The following C12orf54 variants were observed in gnomAD, a reference collection of about 807,000 sequenced individuals.
C12orf54 encodes chromosome 12 open reading frame 54, also known as uncharacterized protein C12orf54.
In C12orf54, 24 loss-of-function variants were observed where a neutral mutation model predicts 26.4. The observed-to-expected ratio is 0.91, with a 90% CI of 0.66 to 1.28. The LOEUF (loss-of-function observed/expected upper bound fraction) is 1.28, where lower values mean the gene tolerates loss of function less well. Ranked by LOEUF, C12orf54 falls within the 50% of genes most tolerant of loss-of-function variation. The pLI, the probability that C12orf54 is intolerant of heterozygous loss-of-function variation, is 0.00. For missense variants in C12orf54, 154 were observed against 150.9 expected (o/e 1.02, Z -0.11); for synonymous variants, 54 against 47.0 (o/e 1.15, Z -0.61).
intron 6 of C12orf54, among the ~76,000 whole-genome samples, chr12:48,492,587 A>G (rs1937814100): frequency 6.6e-6 from 1 of 152,186 alleles, no homozygotes; most frequent in Admixed American, 6.5e-5. Flanking sequence ...GGGTGAGATG[A>G]GGAGAATTCA....
chr12:48,437,792 TATC>T, the C12orf54 span, among the ~76,000 whole-genome samples: 19 of 150,920 alleles, frequency 1.3e-4, no homozygotes, highest in Admixed American at 2.6e-4. Flanking sequence ...CCACAGCCAA[TATC>T]ATACTGAATG....
chr12:48,457,858 A>G, the C12orf54 span, among the ~76,000 whole-genome samples: 3 of 152,140 alleles, frequency 2.0e-5, no homozygotes, highest in Admixed American at 6.5e-5. Flanking sequence ...AGAGGACGGG[A>G]TGACTGGGGA....
intron 8 of C12orf54, 139 bp downstream of exon 8, chr12:48,495,118 A>C (rs1177732224): frequency 3.3e-6 from 2 of 611,238 alleles, no homozygotes; most frequent in Non-Finnish European, 5.5e-6. Context: ...AAGGGGCAAT[A>C]GGGTGAGAGG....
the C12orf54 span, among the ~76,000 whole-genome samples, chr12:48,460,352 A>C: frequency 1.1e-4 from 16 of 152,142 alleles, no homozygotes; most frequent in Non-Finnish European, 1.8e-4. Flanking sequence ...CATTTAGTAA[A>C]ATGAAACTTT....
At chr12:48,470,199 G>A in the C12orf54 span, among the ~76,000 whole-genome samples, 1 of 152,084 alleles carries the variant, frequency 6.6e-6, no homozygotes, top group Non-Finnish European at 1.5e-5. Flanking sequence ...ATTTTCCTTT[G>A]GGTAGATACC....
intron 4 of C12orf54, 28 bp downstream of exon 4, chr12:48,486,754 G>C (rs118171974): frequency 1.4e-5 from 23 of 1,603,928 alleles, no homozygotes; most frequent in Non-Finnish European, 1.8e-5. Flanking sequence ...ATTTTTGACA[G>C]CATGGCATGA....
chr12:48,469,632 G>A, the C12orf54 span, among the ~76,000 whole-genome samples: 1 of 152,188 alleles, frequency 6.6e-6, no homozygotes, highest in Non-Finnish European at 1.5e-5. Flanking sequence ...AGTAAAGACA[G>A]GCATAGGAAA....
chr12:48,496,054 G>T (rs1047297508), intron 8 of C12orf54, 127 bp from the exon 9 acceptor site: 1 of 152,208 alleles, frequency 6.6e-6, no homozygotes, highest in African/African-American at 2.4e-5. Context: ...TTGGGATGGG[G>T]TCATGAGGGT....
chr12:48,463,165 G>T, the C12orf54 span, among the ~76,000 whole-genome samples: 1 of 151,810 alleles, frequency 6.6e-6, no homozygotes, highest in Non-Finnish European at 1.5e-5. Flanking sequence ...TAAATGCTTA[G>T]GTATAAATCT....
chr12:48,421,388 A>G, the C12orf54 span, among the ~76,000 whole-genome samples: 2 of 152,042 alleles, frequency 1.3e-5, no homozygotes, highest in Non-Finnish European at 2.9e-5. Flanking sequence ...GTGTTAAACC[A>G]TGAGAAACTG....
the C12orf54 span, among the ~76,000 whole-genome samples, chr12:48,435,544 C>A: frequency 2.7e-4 from 41 of 152,212 alleles, no homozygotes; most frequent in Non-Finnish European, 5.9e-5. Flanking sequence ...GGAAGCCCAT[C>A]AGACTAACAG....
At chr12:48,436,268 A>T in the C12orf54 span, among the ~76,000 whole-genome samples, 273 of 152,350 alleles carry the variant, frequency 1.8e-3, no homozygotes, top group African/African-American at 6.0e-3. Context: ...GCAAGTCCTG[A>T]GTGACCTACA....
the C12orf54 span, among the ~76,000 whole-genome samples, chr12:48,437,284 G>A: frequency 4.1e-4 from 62 of 151,992 alleles, no homozygotes; most frequent in African/African-American, 1.2e-3. Context: ...AAAAAAGTCC[G>A]GGACCAGATG....
At chr12:48,427,027 A>T in the C12orf54 span, among the ~76,000 whole-genome samples, 1 of 152,134 alleles carries the variant, frequency 6.6e-6, no homozygotes, top group Admixed American at 6.6e-5. Context: ...ACCTACAAAC[A>T]GCGATAGTTT....
the C12orf54 span, among the ~76,000 whole-genome samples, chr12:48,430,842 G>T: frequency 6.6e-6 from 1 of 152,190 alleles, no homozygotes; most frequent in East Asian, 1.9e-4. Flanking sequence ...AAAGATACTT[G>T]CACATGCATG....
chr12:48,417,228 G>A, the C12orf54 span: 2 of 152,126 alleles, frequency 1.3e-5, no homozygotes, highest in African/African-American at 4.8e-5. Flanking sequence ...TCTCTATCAG[G>A]GCCAGGAAGT....
rs1457330372 is a variant in C12orf54, at chr12:48,482,527, G to C, written c.-107G>C. The C allele has an allele frequency of 6.6e-6, 1 of 152,222 alleles. No individual in the cohort carries two copies. Among genetic ancestry groups the C allele is most frequent in the Admixed American group, 6.6e-5 (1 of 15,260 alleles). 9.4% of individuals were successfully genotyped at this position (152,222 alleles called of 1,614,324 possible). ...TGAGATGGGGCTCAAATAGGAAAAA[G>C]TCTAGGGGTGAAGGAGTGGGGCAAA... On this transcript the variant is annotated 5_prime_UTR_variant, in exon 1 of 9. Coordinates refer to ENST00000548364, the MANE Select transcript of C12orf54 (RefSeq NM_152319.4).
At chr12:48,462,111 G>A in the C12orf54 span, among the ~76,000 whole-genome samples, 27 of 151,478 alleles carry the variant, frequency 1.8e-4, no homozygotes, top group South Asian at 5.6e-3. Context: ...GGAATTTTGA[G>A]AAAAGATTTA....
intron 6 of C12orf54, among the ~76,000 whole-genome samples, chr12:48,491,261 T>C (rs1937783952): frequency 6.6e-6 from 1 of 152,218 alleles, no homozygotes; most frequent in East Asian, 1.9e-4. Flanking sequence ...GCTTCCCAGT[T>C]CATAGACAAC....
Sources: gnomAD v4.1 joint callset for allele counts (sites outside exome capture counted in the v4.1 genomes callset) on GRCh38, gnomAD v4.1.1 for gene constraint, MANE v1.5 for transcripts, NCBI Gene and HGNC (gene_info 2026-07-23, HGNC 2026-07-21) for gene names.